Variants in ANGPTL2 observed in about 807,000 individuals in gnomAD.
ANGPTL2 encodes the protein angiopoietin-related protein 2.
ANGPTL2 carries 25 observed loss-of-function variants against 52.8 expected under a neutral mutation model. The observed-to-expected ratio is 0.47, with a 90% confidence interval of 0.35 to 0.66. The LOEUF (loss-of-function observed/expected upper bound fraction) is 0.66. Ranked by LOEUF, ANGPTL2 falls within the 30% of genes least tolerant of loss-of-function variation. The probability of loss-of-function intolerance (pLI) is 0.01; values close to 1 mark genes in which losing one functional copy is unlikely to be tolerated. For missense variants in ANGPTL2, 546 were observed against 656.9 expected (o/e 0.83, Z 1.84); for synonymous variants, 276 against 277.4 (o/e 1.00, Z 0.05).
intron 2 of ANGPTL2, chr9:127,107,162 C>T (rs2054297698): frequency 6.6e-6 from 1 of 152,198 alleles, no homozygotes; most frequent in African/African-American, 2.4e-5. Flanking sequence ...GAATGCAAAT[C>T]TAGCCTGAAC....
At chr9:127,116,422 A>C (rs1396377656) in intron 1 of ANGPTL2, among the ~76,000 whole-genome samples, 1 of 152,114 alleles carries the variant, frequency 6.6e-6, no homozygotes, top group African/African-American at 2.4e-5. Context: ...AACCATTTTG[A>C]GATTCCCCCA....
chr9:127,106,343 T>C (rs1010464030), intron 2 of ANGPTL2, among the ~76,000 whole-genome samples: 7 of 152,312 alleles, frequency 4.6e-5, no homozygotes, highest in African/African-American at 1.7e-4. Context: ...AGCAGACACG[T>C]GTACAGATGG....
intron 1 of ANGPTL2, among the ~76,000 whole-genome samples, chr9:127,114,633 C>CA (rs1190902215): frequency 6.6e-6 from 1 of 152,228 alleles, no homozygotes; most frequent in Non-Finnish European, 1.5e-5. Flanking sequence ...ACCCCCTCAC[C>CA]ACCCGTCCTC....
At position 127,091,638 on chromosome 9, in the gene ANGPTL2, C is replaced by A. The variant is rs2789510; in HGVS notation, c.1282+32G>T. On this transcript the variant is annotated intron_variant, in intron 4 of 4. Coordinates refer to ENST00000373425, the MANE Select transcript of ANGPTL2 (RefSeq NM_012098.3). The surrounding 1 kb of genome is among the most constrained non-coding windows in gnomAD (Gnocchi z 4.3). ...GCTCTGGTTGACCTCTTTTCCCTAC[C>A]CTGCACCTGGGTTTGACTCCACTTT... The A allele has an allele frequency of 1.2e-6, 2 of 1,602,410 alleles. No homozygotes were observed. Among genetic ancestry groups the A allele is most frequent in the Non-Finnish European group, 1.7e-6 (2 of 1,173,080 alleles).
chr9:127,113,563 A>G (rs2055084798), intron 1 of ANGPTL2, among the ~76,000 whole-genome samples: 2 of 151,130 alleles, frequency 1.3e-5, no homozygotes, highest in Non-Finnish European at 3.0e-5. Flanking sequence ...ACTCCAATCA[A>G]AGTGATGCTC....
At chr9:127,121,544 G>C (rs527317489) in intron 1 of ANGPTL2, among the ~76,000 whole-genome samples, 6 of 152,364 alleles carry the variant, frequency 3.9e-5, no homozygotes, top group Admixed American at 1.3e-4. Context: ...ACATATCATA[G>C]AAGGAGAAGG....
chr9:127,103,067 T>C (rs2053888698), intron 2 of ANGPTL2, among the ~76,000 whole-genome samples: 1 of 152,218 alleles, frequency 6.6e-6, no homozygotes, highest in African/African-American at 2.4e-5. Context: ...ATGCCCAGCC[T>C]ACTGAAGCTG....
In ANGPTL2 at chr9:127,091,400, C is replaced by G. The variant is rs1314817590; in HGVS notation, c.1282+270G>C. On this transcript the variant is annotated intron_variant, in intron 4 of 4. Transcript: ENST00000373425. This position sits in a 1 kb window ranked among gnomAD's most constrained non-coding sequence, Gnocchi z 4.3. ...CTTTCTGCATTGGCCCCAGCTGGCC[C>G]TGGTACGTGTGATTTGTATACCTCT... 6.6e-6 allele frequency among the ~76,000 whole-genome samples: 1 copy of G among 152,238 alleles called. No homozygotes were observed. The highest frequency in any genetic ancestry group is 1.5e-5 in the Non-Finnish European group (1 of 68,046).
intron 2 of ANGPTL2, among the ~76,000 whole-genome samples, chr9:127,102,205 A>G (rs1481249829): frequency 1.3e-5 from 2 of 152,234 alleles, no homozygotes; most frequent in Non-Finnish European, 2.9e-5. Context: ...TTCTGCTGCT[A>G]TAACAGAATA....
Position 127,091,526 on chromosome 9 carries a change from G to T in ANGPTL2, c.1282+144C>A, listed in dbSNP as rs1028644567. 1.2e-5 allele frequency: 14 copies of T among 1,123,240 alleles called. No individual in the cohort carries two copies. Among genetic ancestry groups the T allele is most frequent in the Non-Finnish European group, 1.5e-5 (12 of 789,746 alleles). The allele number at this position is 1,123,240 out of a possible 1,614,324, so 69.6% of individuals were successfully genotyped here. A position where few individuals can be genotyped will look rare whatever the true frequency, so the allele number is the denominator to read the frequency against. On this transcript the variant is annotated intron_variant, in intron 4 of 4. Transcript: ENST00000373425. This position sits in a 1 kb window ranked among gnomAD's most constrained non-coding sequence, Gnocchi z 4.3. ...TGTGGGCAGGAGAAGGGACCCTCAGGGGGTGGTAACAGGGTCAGGCAGCTT... is the reference window on the plus strand; with the variant it reads ...TGTGGGCAGGAGAAGGGACCCTCAGTGGGTGGTAACAGGGTCAGGCAGCTT...
Position 127,108,236 on chromosome 9 carries a change from T to G in ANGPTL2, c.496A>C (p.Thr166Pro), listed in dbSNP as rs1273966162. The G allele has an allele frequency of 2.5e-6, 4 of 1,614,016 alleles. No homozygotes were observed. Among genetic ancestry groups the G allele is most frequent in the Non-Finnish European group, 3.4e-6 (4 of 1,180,004 alleles). Residue 166 changes from threonine to proline, a missense_variant, in exon 2 of 5, where the codon ACA becomes CCA. Thr to Pro is a conservative substitution (Grantham distance 38). Transcript: ENST00000373425. ...SQLENRILNQ[T>P]ADMLQLASKY... ...CTGGCCAGCTGCAGCATGTCGGCTG[T>G]CTGGTTCAGGATCCTGTTCTCCAGC... is the stretch of plus-strand genomic sequence containing the variant.
intron 1 of ANGPTL2, among the ~76,000 whole-genome samples, chr9:127,121,119 G>A (rs1426986879): frequency 6.6e-6 from 1 of 152,198 alleles, no homozygotes; most frequent in Non-Finnish European, 1.5e-5. Context: ...CTATAAAACA[G>A]GGATGAATAA....
chr9:127,106,936 A>C (rs1471536384), intron 2 of ANGPTL2: 1 of 152,254 alleles, frequency 6.6e-6, no homozygotes, highest in African/African-American at 2.4e-5. Context: ...TGGAGTAGAT[A>C]CATGGTTCAT....
chr9:127,115,547 C>A (rs1378441062), intron 1 of ANGPTL2, among the ~76,000 whole-genome samples: 1 of 152,174 alleles, frequency 6.6e-6, no homozygotes, highest in Non-Finnish European at 1.5e-5. Context: ...AAGGTTAGGT[C>A]GCTTGTTCAA....
At chr9:127,094,277 G>C (rs973520412) in intron 2 of ANGPTL2, among the ~76,000 whole-genome samples, 4 of 152,112 alleles carry the variant, frequency 2.6e-5, no homozygotes, top group Non-Finnish European at 5.9e-5. Flanking sequence ...AGATCATTTG[G>C]GGGAAGTTGC....
chr9:127,110,697 A>T (rs1229341210), intron 1 of ANGPTL2, among the ~76,000 whole-genome samples: 1 of 151,832 alleles, frequency 6.6e-6, no homozygotes, highest in East Asian at 1.9e-4. Context: ...ATAAATGTCC[A>T]CTCTGGTTGC....
At chr9:127,109,102 C>T (rs955198629) in intron 1 of ANGPTL2, among the ~76,000 whole-genome samples, 7 of 152,206 alleles carry the variant, frequency 4.6e-5, no homozygotes, top group African/African-American at 1.4e-4. Flanking sequence ...GCCTGAGAAT[C>T]GTATCCAGGC....
At chr9:127,109,740 G>T (rs1489115850) in intron 1 of ANGPTL2, among the ~76,000 whole-genome samples, 1 of 152,232 alleles carries the variant, frequency 6.6e-6, no homozygotes, top group African/African-American at 2.4e-5. Context: ...GCCAGTCCCT[G>T]CCCTCATGGG....
At chr9:127,104,695 G>T (rs1157106871) in intron 2 of ANGPTL2, among the ~76,000 whole-genome samples, 1 of 152,254 alleles carries the variant, frequency 6.6e-6, no homozygotes, top group Non-Finnish European at 1.5e-5. Context: ...TACAGCTTCA[G>T]ATAAGCAGCC....
Sources: gnomAD v4.1 joint callset for allele counts (sites outside exome capture counted in the v4.1 genomes callset) on GRCh38, gnomAD v4.1.1 for gene constraint, Gnocchi (gnomAD v3.1) non-coding constraint, MANE v1.5 for transcripts, NCBI Gene and HGNC (gene_info 2026-07-23, HGNC 2026-07-21) for gene names.